Variants in CDH18 observed in about 807,000 individuals in gnomAD.
CDH18 encodes cadherin 18.
In CDH18, 31 loss-of-function variants were observed where a neutral mutation model predicts 67.9. That is an observed-to-expected ratio of 0.46 (90% CI 0.34 to 0.62). The LOEUF (loss-of-function observed/expected upper bound fraction) is 0.62. Among genes scored for constraint, CDH18 ranks in the 20% least tolerant of loss-of-function variants. The pLI is 0.01. For synonymous variants in CDH18, 362 were observed against 347.2 expected (o/e 1.04, Z -0.48); for missense variants, 890 against 975.5 (o/e 0.91, Z 1.17).
intron 1 of CDH18, among the ~76,000 whole-genome samples, chr5:20,524,375 A>T (rs1755919797): frequency 6.6e-6 from 1 of 152,212 alleles, no homozygotes. Context: ...ATATTTTTCT[A>T]TTAAAGACAA....
At chr5:19,705,771 T>C (rs1020755574) in intron 5 of CDH18, among the ~76,000 whole-genome samples, 1 of 152,162 alleles carries the variant, frequency 6.6e-6, no homozygotes, top group Non-Finnish European at 1.5e-5. Flanking sequence ...GGAAAAATTA[T>C]TGTCCCTCTC....
intron 1 of CDH18, among the ~76,000 whole-genome samples, chr5:20,551,856 T>C (rs1454224494): frequency 1.3e-5 from 2 of 152,102 alleles, no homozygotes; most frequent in Non-Finnish European, 2.9e-5. Context: ...TCTTAAAATA[T>C]TCTTCTTAGT....
chr5:19,835,764 T>C (rs984781158), intron 3 of CDH18, among the ~76,000 whole-genome samples: 13 of 152,128 alleles, frequency 8.5e-5, no homozygotes, highest in Non-Finnish European at 1.8e-4. Context: ...AGAAAGACTA[T>C]GAGCGAGGTG....
intron 11 of CDH18, among the ~76,000 whole-genome samples, chr5:19,497,235 T>C (rs1742497330): frequency 6.6e-6 from 1 of 151,324 alleles, no homozygotes; most frequent in African/African-American, 2.4e-5. Flanking sequence ...CTAAAGAAAA[T>C]GTTAAAAATA....
chr5:19,750,792 T>G (rs1770742001), intron 3 of CDH18, among the ~76,000 whole-genome samples: 1 of 142,244 alleles, frequency 7.0e-6, no homozygotes, highest in African/African-American at 2.6e-5. Flanking sequence ...TAAATCAGTT[T>G]AGTCATACCA....
At chr5:19,483,000 T>A (rs928977274) in intron 12 of CDH18, among the ~76,000 whole-genome samples, 1 of 152,104 alleles carries the variant, frequency 6.6e-6, no homozygotes, top group Non-Finnish European at 1.5e-5. Context: ...TTGCCAAAAA[T>A]TTTTAAAAGC....
chr5:19,917,317 C>T (rs1407597984), intron 2 of CDH18, among the ~76,000 whole-genome samples: 1 of 151,870 alleles, frequency 6.6e-6, no homozygotes, highest in East Asian at 1.9e-4. Flanking sequence ...CGTTCTCCTC[C>T]TGTTCTCAAT....
chr5:19,511,420 T>C (rs1446524924), intron 10 of CDH18, among the ~76,000 whole-genome samples: 1 of 151,634 alleles, frequency 6.6e-6, no homozygotes, highest in African/African-American at 2.4e-5. Context: ...GAGGCAGAGG[T>C]TGGAACAGTT....
chr5:20,541,747 T>G (rs549600477), intron 1 of CDH18, among the ~76,000 whole-genome samples: 1 of 152,158 alleles, frequency 6.6e-6, no homozygotes, highest in African/African-American at 2.4e-5. Flanking sequence ...GGAGTAACTT[T>G]TAAAAGGAAA....
Position 20,525,301 on chromosome 5 carries a change from C to G in CDH18, c.-580+50161G>C, listed in dbSNP as rs958517729. ...ACAAAGTCTGGGGCCTAATGATTACCAGTGCCAGAGCTCCAGGGTTTTGTA... is the reference window on the plus strand; with the variant it reads ...ACAAAGTCTGGGGCCTAATGATTACGAGTGCCAGAGCTCCAGGGTTTTGTA... On this transcript the variant is annotated intron_variant, in intron 1 of 14. Transcript: ENST00000507958. 7.2e-4 allele frequency among the ~76,000 whole-genome samples: 110 copies of G among 152,192 alleles called. 1 individual carries two copies. Among genetic ancestry groups the G allele is most frequent in the African/African-American group, 2.6e-3 (109 of 41,538 alleles).
intron 1 of CDH18, among the ~76,000 whole-genome samples, chr5:20,463,632 A>G (rs1040199477): frequency 2.6e-5 from 4 of 152,132 alleles, no homozygotes; most frequent in Non-Finnish European, 4.4e-5. Context: ...ACCATGATTC[A>G]ATTACCTCTA....
chr5:20,017,579 A>G (rs567038327), intron 2 of CDH18, among the ~76,000 whole-genome samples: 1 of 152,342 alleles, frequency 6.6e-6, no homozygotes, highest in African/African-American at 2.4e-5. Context: ...CCCATAGTAT[A>G]TACCTTTAGT....
chr5:20,110,570 G>A (rs993047425), intron 2 of CDH18, among the ~76,000 whole-genome samples: 5 of 152,150 alleles, frequency 3.3e-5, no homozygotes, highest in African/African-American at 1.2e-4. Flanking sequence ...AGTAATCCGA[G>A]CTACTTGTGA....
At chr5:20,517,730 T>C (rs1257375997) in intron 1 of CDH18, among the ~76,000 whole-genome samples, 1 of 152,032 alleles carries the variant, frequency 6.6e-6, no homozygotes, top group Non-Finnish European at 1.5e-5. Context: ...GGGAGCTAAG[T>C]AGTTTACAAT....
chr5:20,141,192 C>T (rs971249115), intron 2 of CDH18, among the ~76,000 whole-genome samples: 1 of 152,150 alleles, frequency 6.6e-6, no homozygotes, highest in Middle Eastern at 3.2e-3. Context: ...CACCCATCTA[C>T]AAGTTGTTTC....
chr5:20,316,130 G>A (rs75462142), intron 1 of CDH18, among the ~76,000 whole-genome samples: 9,478 of 152,140 alleles, frequency 0.062, 418 homozygotes, highest in South Asian at 0.16. Flanking sequence ...TTTTCAATAA[G>A]ATGAGAAGAA....
At chr5:19,962,332 A>G (rs911378210) in intron 2 of CDH18, among the ~76,000 whole-genome samples, 1 of 145,366 alleles carries the variant, frequency 6.9e-6, no homozygotes, top group African/African-American at 2.5e-5. Flanking sequence ...AAGAGATAAT[A>G]TGAACCAGTG....
chr5:19,985,246 A>C (rs12653409), intron 1 of CDH18, among the ~76,000 whole-genome samples: 6,336 of 152,198 alleles, frequency 0.042, 174 homozygotes, highest in East Asian at 0.096. Flanking sequence ...ACCATTCATT[A>C]TCAAAGCAAA....
At chr5:20,536,517 T>C (rs184182666) in intron 1 of CDH18, among the ~76,000 whole-genome samples, 2 of 152,202 alleles carry the variant, frequency 1.3e-5, no homozygotes, top group Non-Finnish European at 2.9e-5. Flanking sequence ...CTTCTGGTGC[T>C]GTAGGCCTGA....
Sources: allele counts gnomAD v4.1 joint callset (sites outside exome capture counted in the v4.1 genomes callset), GRCh38; gene constraint gnomAD v4.1.1; transcripts MANE v1.5; gene names NCBI Gene and HGNC (gene_info 2026-07-23, HGNC 2026-07-21).